ZFAT: variants seen among roughly 807,000 people sequenced by gnomAD.
The protein encoded by ZFAT is zinc finger protein ZFAT.
A neutral mutation model predicts 117.7 loss-of-function variants in ZFAT; 64 were observed. The ratio of observed to expected loss-of-function variants is 0.54; its 90% CI spans 0.44 to 0.67. ZFAT has a LOEUF of 0.67. ZFAT is among the 30% of genes least tolerant of loss of function. The pLI is 0.00. For synonymous variants in ZFAT, 679 were observed against 615.0 expected (o/e 1.10, Z -1.54); for missense variants, 1,433 against 1,584.5 (o/e 0.90, Z 1.62).
At chr8:134,649,259 C>G (rs1239682302) in intron 2 of ZFAT, among the ~76,000 whole-genome samples, 1 of 150,136 alleles carries the variant, frequency 6.7e-6, no homozygotes, top group Non-Finnish European at 1.5e-5. Flanking sequence ...AGTATCAGAA[C>G]AAGAATGTCC....
At chr8:134,811,582 C>T in the ZFAT span, among the ~76,000 whole-genome samples, 1 of 152,142 alleles carries the variant, frequency 6.6e-6, no homozygotes, top group Non-Finnish European at 1.5e-5. Flanking sequence ...TTGAAATGAC[C>T]AGCAAACACA....
intron 10 of ZFAT, among the ~76,000 whole-genome samples, chr8:134,581,601 G>A (rs1311446971): frequency 2.0e-5 from 3 of 152,096 alleles, no homozygotes; most frequent in Admixed American, 2.0e-4. Flanking sequence ...CAGGGGGGGT[G>A]TAGGGAATGG....
intron 9 of ZFAT, among the ~76,000 whole-genome samples, chr8:134,586,424 T>C (rs1826071846): frequency 6.6e-6 from 1 of 152,218 alleles, no homozygotes; most frequent in Non-Finnish European, 1.5e-5. Context: ...ATAAACAAAC[T>C]GAGTTTCGAG....
intron 11 of ZFAT, among the ~76,000 whole-genome samples, chr8:134,553,559 T>G (rs981370533): frequency 1.1e-4 from 16 of 152,118 alleles, no homozygotes; most frequent in African/African-American, 3.4e-4. Flanking sequence ...ATTAGTGGAA[T>G]TAAGTGAATA....
chr8:134,565,680 G>C (rs1053294700), intron 10 of ZFAT: 2 of 579,456 alleles, frequency 3.5e-6, no homozygotes, highest in South Asian at 1.9e-5. Context: ...AATGACATTC[G>C]ATCAGGCTCC....
At chr8:134,566,057 C>G (rs1933016965) in intron 10 of ZFAT, among the ~76,000 whole-genome samples, 2 of 151,702 alleles carry the variant, frequency 1.3e-5, no homozygotes, top group Admixed American at 6.6e-5. Flanking sequence ...GGGGAGAATG[C>G]TAGAAAGAAA....
chr8:134,545,428 G>A (rs1822620097), intron 11 of ZFAT, among the ~76,000 whole-genome samples: 1 of 152,098 alleles, frequency 6.6e-6, no homozygotes, highest in African/African-American at 2.4e-5. Context: ...GCCAAGGTGA[G>A]AGGATCCCTG....
intron 10 of ZFAT, among the ~76,000 whole-genome samples, chr8:134,582,536 T>G (rs1825782840): frequency 6.6e-6 from 1 of 152,268 alleles, no homozygotes. Context: ...TACATGACTT[T>G]AATGCTTTCA....
At chr8:134,669,253 G>A (rs1320905317) in intron 1 of ZFAT, among the ~76,000 whole-genome samples, 2 of 152,146 alleles carry the variant, frequency 1.3e-5, no homozygotes, top group Non-Finnish European at 2.9e-5. Context: ...TACAGAGAAT[G>A]CCACAAAGAT....
chr8:134,747,653 A>T, the ZFAT span, among the ~76,000 whole-genome samples: 1 of 152,220 alleles, frequency 6.6e-6, no homozygotes, highest in Non-Finnish European at 1.5e-5. Flanking sequence ...TGTAACTGTG[A>T]AGAACAAATT....
At chr8:134,726,130 C>T in the ZFAT span, among the ~76,000 whole-genome samples, 12 of 151,896 alleles carry the variant, frequency 7.9e-5, no homozygotes, top group African/African-American at 1.5e-4. Context: ...TCCGCAGCAA[C>T]GTGATTCTTG....
In ZFAT at chr8:134,517,509, T is replaced by C. The variant is rs546485977; in HGVS notation, c.3234+3374A>G. ...CAACAGAGAGTTCCTGGAGACCCTT[T>C]ACCCAGCCTCCCCTAATCTTAACAT... On this transcript the variant is annotated intron_variant, in intron 13 of 15. Transcript: ENST00000377838. Among the ~76,000 whole-genome samples, 47 of 152,320 alleles carry C rather than the reference T, an allele frequency of 3.1e-4. No individual in the cohort carries two copies. The South Asian group carries it at 9.3e-3, about 30-fold the overall frequency.
At chr8:134,570,520 G>A (rs1012039488) in intron 10 of ZFAT, among the ~76,000 whole-genome samples, 3 of 152,158 alleles carry the variant, frequency 2.0e-5, no homozygotes, top group African/African-American at 7.2e-5. Context: ...GCAGTGCACT[G>A]ATTCACCTTT....
intron 15 of ZFAT, among the ~76,000 whole-genome samples, chr8:134,499,935 G>A (rs1483362193): frequency 6.6e-6 from 1 of 152,186 alleles, no homozygotes; most frequent in Non-Finnish European, 1.5e-5. Context: ...GGAAGGAGGG[G>A]GACACTAAGA....
At chr8:134,658,236 C>A (rs1831734992) in intron 1 of ZFAT, among the ~76,000 whole-genome samples, 1 of 150,106 alleles carries the variant, frequency 6.7e-6, no homozygotes. Flanking sequence ...ACTCGGGAGG[C>A]TGAGGCAGGA....
At chr8:134,772,586 T>C in the ZFAT span, among the ~76,000 whole-genome samples, 2 of 152,182 alleles carry the variant, frequency 1.3e-5, no homozygotes, top group African/African-American at 2.4e-5. Context: ...GCCATCCCCA[T>C]ACCATAAAAG....
chr8:134,824,110 G>GT, the ZFAT span, among the ~76,000 whole-genome samples: 1 of 152,238 alleles, frequency 6.6e-6, no homozygotes, highest in Non-Finnish European at 1.5e-5. Flanking sequence ...ACAAAACAAT[G>GT]TAATAACTGC....
At chr8:134,718,019 T>C (rs1814231038), upstream of ZFAT, among the ~76,000 whole-genome samples, 2 of 152,160 alleles carry the variant, frequency 1.3e-5, no homozygotes, top group South Asian at 4.1e-4. Context: ...TTTACAAAGT[T>C]AAGGTATGGG....
rs1827481255 is a variant in ZFAT at position 134,601,734 on chromosome 8, A to T, written c.1985T>A (p.Val662Glu). The T allele has an allele frequency of 1.2e-6, 2 of 1,613,142 alleles. No homozygotes were observed. The highest frequency in any genetic ancestry group is 1.1e-5 in the South Asian group (1 of 90,952). Reference protein sequence around the residue: ...SPLGEGQNMAVLSAGDPDPSR... With the variant: ...SPLGEGQNMAELSAGDPDPSR... ...GGGATCTGGGTCACCAGCTGAAAGC[A>T]CAGCCATGTTCTGCCCTTCCCCTAG... Residue 662 changes from valine to glutamate, a missense_variant, in exon 6 of 16, where the codon GTG (valine) becomes GAG (glutamate). By Grantham distance (121) the Val-to-Glu change is moderately radical (BLOSUM62 -2). Around this residue, in one of 5 missense-constraint regions of ZFAT, gnomAD observed 372 missense variants for 355.6 expected, o/e 1.05. Transcript: ENST00000377838.
Sources: gnomAD v4.1 joint callset for allele counts (sites outside exome capture counted in the v4.1 genomes callset) on GRCh38, gnomAD v4.1.1 for gene constraint, gnomAD v4.1.1 regional missense constraint, MANE v1.5 for transcripts, NCBI Gene and HGNC (gene_info 2026-07-23, HGNC 2026-07-21) for gene names.